The following NFIB variants were observed in gnomAD, a reference collection of about 807,000 sequenced individuals.
The protein encoded by NFIB is nuclear factor 1 B-type.
In NFIB, 11 loss-of-function variants were observed where a neutral mutation model predicts 61.5. That is an observed-to-expected ratio of 0.18 (90% CI 0.11 to 0.30). The LOEUF (loss-of-function observed/expected upper bound fraction) is 0.30, where lower values mean the gene tolerates loss of function less well. Ranked by LOEUF, NFIB falls within the 10% of genes least tolerant of loss-of-function variation. The pLI is 1.00. For synonymous variants in NFIB, 260 were observed against 216.5 expected (o/e 1.20, Z -1.76); for missense variants, 471 against 608.9 (o/e 0.77, Z 2.38).
At chr9:14,342,430 A>AGGAAGGAAGGAAGGAAGAC (rs1264826500) in intron 1 of NFIB, among the ~76,000 whole-genome samples, 5 of 151,970 alleles carry the variant, frequency 3.3e-5, no homozygotes, top group Non-Finnish European at 5.9e-5. Context: ...ATGAGAAGGA[A>AGGAAGGAAGGAAGGAAGAC]GGAAGGAAGG....
chr9:14,461,881 A>G, the NFIB span, among the ~76,000 whole-genome samples: 8,291 of 152,294 alleles, frequency 0.054, 295 homozygotes, highest in African/African-American at 0.088. Flanking sequence ...ATCTTCCTGA[A>G]GAGTCCAAAG....
intron 1 of NFIB, among the ~76,000 whole-genome samples, chr9:14,373,204 C>T (rs1002805356): frequency 1.3e-5 from 2 of 152,206 alleles, no homozygotes; most frequent in Non-Finnish European, 2.9e-5. Flanking sequence ...AAGGGTTATG[C>T]AATCAGCTGT....
chr9:14,123,480 TA>T (rs1393561284), intron 7 of NFIB, among the ~76,000 whole-genome samples: 1 of 152,210 alleles, frequency 6.6e-6, no homozygotes, highest in East Asian at 1.9e-4. Context: ...ACTTCTCCGC[TA>T]AAATTATTTC....
chr9:14,210,180 A>C (rs2131715875), intron 2 of NFIB, among the ~76,000 whole-genome samples: 1 of 152,276 alleles, frequency 6.6e-6, no homozygotes, highest in East Asian at 1.9e-4. Flanking sequence ...CTTTGGAAAA[A>C]GGATTCTGTA....
intron 10 of NFIB, among the ~76,000 whole-genome samples, chr9:14,090,190 T>C (rs1481699043): frequency 6.6e-6 from 1 of 152,160 alleles, no homozygotes; most frequent in African/African-American, 2.4e-5. Flanking sequence ...TAGATCTACT[T>C]AGCATTAACA....
At chr9:14,376,517 C>CTT (rs781462864) in intron 1 of NFIB, among the ~76,000 whole-genome samples, 22 of 128,468 alleles carry the variant, frequency 1.7e-4, no homozygotes, top group East Asian at 1.3e-3. Flanking sequence ...CTAAAAGTGT[C>CTT]ATTTTTTTTT....
At chr9:14,168,186 G>C (rs1393116049) in intron 3 of NFIB, among the ~76,000 whole-genome samples, 2 of 152,156 alleles carry the variant, frequency 1.3e-5, no homozygotes, top group Admixed American at 1.3e-4. Flanking sequence ...GCAAGAACAG[G>C]TTATTTATTT....
At position 14,307,710 on chromosome 9, in the gene NFIB, GT is replaced by G. The variant is rs1394588011; in HGVS notation, c.31-191del. On this transcript the variant is annotated intron_variant, in intron 1 of 10. Coordinates refer to ENST00000380953, the MANE Select transcript of NFIB (RefSeq NM_001190737.2). The surrounding 1 kb of genome is among the most constrained non-coding windows in gnomAD (Gnocchi z 5.3). ...AGAAGAAAGTAAAGTATGCCCAGCT[GT>G]CCCCTTTCCACCAAAATTCACAGGT... Among the ~76,000 whole-genome samples the G allele has an allele frequency of 2.6e-5, 4 of 152,094 alleles. No homozygotes were observed. Among genetic ancestry groups the G allele is most frequent in the African/African-American group, 4.8e-5 (2 of 41,420 alleles).
chr9:14,088,861 A>T (rs2033320362), intron 10 of NFIB, among the ~76,000 whole-genome samples: 1 of 152,180 alleles, frequency 6.6e-6, no homozygotes, highest in Non-Finnish European at 1.5e-5. Context: ...CAGGAAAAAA[A>T]ACTACATGTT....
chr9:14,119,188 T>G (rs1174568201), intron 8 of NFIB, among the ~76,000 whole-genome samples: 1 of 152,178 alleles, frequency 6.6e-6, no homozygotes, highest in Non-Finnish European at 1.5e-5. Flanking sequence ...AACTGAGACT[T>G]CTGAATCCAT....
At chr9:14,131,348 G>A (rs960271871) in intron 6 of NFIB, among the ~76,000 whole-genome samples, 1 of 152,074 alleles carries the variant, frequency 6.6e-6, no homozygotes, top group South Asian at 2.1e-4. Flanking sequence ...GATTTTTCCT[G>A]ACCATACTAT....
In NFIB at chr9:14,116,251, G is replaced by C. The variant is rs1251058164; in HGVS notation, c.1341C>G (p.Thr447=). The part of the protein sequence containing the change: ...SPHPSAVRPV[T]LSMTDTKPIT... ...TGGGTTTAGTATCTGTCATGCTCAG[G>C]GTCACAGGTCGCACTGCACTGGGAT... The change falls in exon 9 of 11, where the codon ACC becomes ACG. Residue 447 remains threonine, a synonymous_variant. Coordinates refer to ENST00000380953, the MANE Select transcript of NFIB (RefSeq NM_001190737.2). 2 of 1,538,230 alleles carry C rather than the reference G, an allele frequency of 1.3e-6. No individual in the cohort carries two copies. The highest frequency in any genetic ancestry group is 1.8e-6 in the Non-Finnish European group (2 of 1,140,230).
At chr9:14,285,315 G>A (rs552839716) in intron 2 of NFIB, among the ~76,000 whole-genome samples, 4 of 152,250 alleles carry the variant, frequency 2.6e-5, no homozygotes, top group East Asian at 3.9e-4. Context: ...TAGAGACAGG[G>A]TTTCACCATG....
At position 14,346,294 on chromosome 9, in the gene NFIB, C is replaced by A. The variant is rs918572996; in HGVS notation, c.109-38774G>T. On this transcript the variant is annotated intron_variant, in intron 1 of 8. Transcript: ENST00000380934. ...CAGTCACACGAGGTAACCGACACCC[C>A]CCCCCCGTAACCTGAGCTAAAGGTA... Among the ~76,000 whole-genome samples the A allele has an allele frequency of 5.1e-4, 70 of 137,924 alleles. 3 individuals are homozygous for A. Among genetic ancestry groups the A allele is most frequent in the African/African-American group, 1.8e-3 (68 of 38,096 alleles). The allele number at this position is 137,924 out of a possible 152,430, so 90.5% of individuals were successfully genotyped here. A position where few individuals can be genotyped will look rare whatever the true frequency, so the allele number is the denominator to read the frequency against.
chr9:14,437,248 A>G, the NFIB span, among the ~76,000 whole-genome samples: 1 of 152,236 alleles, frequency 6.6e-6, no homozygotes, highest in Admixed American at 6.5e-5. Context: ...GTGTGCAGGA[A>G]AAAACACCTA....
At chr9:14,193,113 T>C (rs778892909) in intron 2 of NFIB, among the ~76,000 whole-genome samples, 220 of 151,516 alleles carry the variant, frequency 1.5e-3, no homozygotes, top group Non-Finnish European at 2.7e-3. Flanking sequence ...TACTGATACA[T>C]AAAAATAATC....
intron 2 of NFIB, among the ~76,000 whole-genome samples, chr9:14,268,512 G>GT (rs2057380144): frequency 6.6e-6 from 1 of 152,096 alleles, no homozygotes; most frequent in Non-Finnish European, 1.5e-5. Flanking sequence ...TTCTTGTGCT[G>GT]TTTCCTGCCT....
intron 1 of NFIB, among the ~76,000 whole-genome samples, chr9:14,329,593 C>T (rs1248106832): frequency 6.6e-6 from 1 of 152,014 alleles, no homozygotes; most frequent in Non-Finnish European, 1.5e-5. Flanking sequence ...CGGCTCACTG[C>T]AACCTCCACC....
the NFIB span, among the ~76,000 whole-genome samples, chr9:14,495,192 C>T: frequency 4.3e-4 from 66 of 152,216 alleles, no homozygotes; most frequent in East Asian, 9.1e-3. Context: ...AGAGGATCAG[C>T]GGTCTAAGGA....
Sources: gnomAD v4.1 joint callset for allele counts (sites outside exome capture counted in the v4.1 genomes callset) on GRCh38, gnomAD v4.1.1 for gene constraint, Gnocchi (gnomAD v3.1) non-coding constraint, MANE v1.5 for transcripts, NCBI Gene and HGNC (gene_info 2026-07-23, HGNC 2026-07-21) for gene names.